Variants in SH2D4B observed in about 807,000 individuals in gnomAD.
SH2D4B encodes SH2 domain-containing protein 4B.
Under a neutral mutation model 61.5 loss-of-function variants are expected in SH2D4B, and 45 were observed. The ratio of observed to expected loss-of-function variants is 0.73; its 90% CI spans 0.58 to 0.94. SH2D4B has a LOEUF of 0.94. SH2D4B is among the 40% of genes least tolerant of loss of function. The probability of loss-of-function intolerance (pLI) is 0.00; values close to 1 mark genes in which losing one functional copy is unlikely to be tolerated. For missense variants in SH2D4B, 572 were observed against 574.2 expected (o/e 1.00, Z 0.04); for synonymous variants, 224 against 220.4 (o/e 1.02, Z -0.14).
rs59848195 is a variant in SH2D4B, at chr10:80,612,198, T to TTTTTTTTTTTTC, written c.988+2647_988+2648insTTTTTTTTTTTC. Among the ~76,000 whole-genome samples, 46 of 125,210 alleles carry TTTTTTTTTTTTC rather than the reference T, an allele frequency of 3.7e-4. 4 individuals carry two copies. The highest frequency in any genetic ancestry group is 5.6e-4 in the East Asian group (2 of 3,592). The allele number at this position is 125,210 out of a possible 152,430, so 82.1% of individuals were successfully genotyped here. On this transcript the variant is annotated intron_variant, in intron 6 of 7. Transcript: ENST00000646907. ...CCACTCCTGCTTTTTTTTTTTTTTT[T>TTTTTTTTTTTTC]CAACTTTACTCACTTATAAAATCCC...
intron 1 of SH2D4B, among the ~76,000 whole-genome samples, chr10:80,563,841 T>C (rs911760333): frequency 6.6e-6 from 1 of 152,238 alleles, no homozygotes; most frequent in Non-Finnish European, 1.5e-5. Flanking sequence ...AGGTTGGTAC[T>C]ATCTATATAT....
chr10:80,547,981 A>G (rs999465060), intron 1 of SH2D4B, among the ~76,000 whole-genome samples: 3 of 152,144 alleles, frequency 2.0e-5, no homozygotes, highest in Non-Finnish European at 2.9e-5. Flanking sequence ...TTATGGTGAC[A>G]CAGGGCTGTC....
intron 1 of SH2D4B, among the ~76,000 whole-genome samples, chr10:80,554,109 A>G (rs1841796188): frequency 6.6e-6 from 1 of 152,234 alleles, no homozygotes. Context: ...GTGGAGTTCT[A>G]GAAGAACTTT....
At chr10:80,592,368 A>T (rs1383644614) in intron 4 of SH2D4B, among the ~76,000 whole-genome samples, 2 of 152,196 alleles carry the variant, frequency 1.3e-5, no homozygotes, top group African/African-American at 4.8e-5. Context: ...AAGCACAAAA[A>T]ATTTTAATTT....
chr10:80,573,656 T>C (rs112175070), intron 3 of SH2D4B, among the ~76,000 whole-genome samples: 489 of 152,348 alleles, frequency 3.2e-3, no homozygotes, highest in Non-Finnish European at 5.4e-3. Flanking sequence ...GTGGACCTTT[T>C]TGTGGATTTT....
In SH2D4B at chr10:80,571,306, T is replaced by G. The variant is rs1043603883; in HGVS notation, c.348-125T>G. On this transcript the variant is annotated intron_variant, in intron 2 of 7. Coordinates refer to ENST00000646907, the MANE Select transcript of SH2D4B (RefSeq NM_001388272.1). ...GCGTGAGAATGCCTATTTCTCCCTG[T>G]CTTTGCCAACACCGAATTCTGATAG... The G allele has an allele frequency of 1.4e-5, 16 of 1,112,534 alleles. No homozygotes were observed. The African/African-American group carries it at 2.2e-4, about 15-fold the overall frequency. The allele number at this position is 1,112,534 out of a possible 1,614,324, so 68.9% of individuals were successfully genotyped here.
chr10:80,592,635 T>G (rs1329813625), intron 4 of SH2D4B, among the ~76,000 whole-genome samples: 1 of 152,140 alleles, frequency 6.6e-6, no homozygotes, highest in African/African-American at 2.4e-5. Flanking sequence ...CTATTCTTTC[T>G]CCATTGGATG....
intron 4 of SH2D4B, among the ~76,000 whole-genome samples, chr10:80,601,630 G>A (rs1479694452): frequency 6.6e-6 from 1 of 152,214 alleles, no homozygotes; most frequent in Non-Finnish European, 1.5e-5. Flanking sequence ...TTCTGTATGG[G>A]ACACCCATGG....
chr10:80,543,862 C>G (rs183224178), intron 1 of SH2D4B, among the ~76,000 whole-genome samples: 1 of 152,048 alleles, frequency 6.6e-6, no homozygotes, highest in African/African-American at 2.4e-5. Flanking sequence ...CTTGGAGAAC[C>G]TTTGTGTAGA....
chr10:80,642,588 T>A (rs1440766140), intron 7 of SH2D4B, among the ~76,000 whole-genome samples: 1 of 152,228 alleles, frequency 6.6e-6, no homozygotes, highest in Non-Finnish European at 1.5e-5. Context: ...GCTCTTCCTA[T>A]GTTAATCCGT....
At position 80,627,580 on chromosome 10, in the gene SH2D4B, C is replaced by T. The variant is rs143070166; in HGVS notation, c.989-6705C>T. On this transcript the variant is annotated intron_variant, in intron 6 of 7. Transcript: ENST00000646907. ...CCTCCCTTAGGTGCAGCCACAGTGC[C>T]TGAGCCAATAGCTTATGTGGCCTTT... Among the ~76,000 whole-genome samples the T allele has an allele frequency of 1.9e-3, 290 of 151,452 alleles. 3 individuals carry two copies. Among genetic ancestry groups the T allele is most frequent in the African/African-American group, 6.8e-3 (280 of 41,284 alleles).
intron 4 of SH2D4B, among the ~76,000 whole-genome samples, chr10:80,602,145 G>A (rs1478502255): frequency 6.6e-6 from 1 of 152,134 alleles, no homozygotes; most frequent in East Asian, 1.9e-4. Flanking sequence ...GCTGAGACAG[G>A]GCCCTTCCTT....
Position 80,541,973 on chromosome 10 carries a change from C to G in SH2D4B, c.184+3458C>G, listed in dbSNP as rs115511338. Among the ~76,000 whole-genome samples the G allele has an allele frequency of 7.8e-3, 1,188 of 152,260 alleles. 8 individuals are homozygous for G. Among genetic ancestry groups the G allele is most frequent in the African/African-American group, 0.025 (1,047 of 41,524 alleles). On this transcript the variant is annotated intron_variant, in intron 1 of 7. Coordinates refer to ENST00000646907, the MANE Select transcript of SH2D4B (RefSeq NM_001388272.1). ...TTCACTTTACGCTTTGGCAAGAACC[C>G]TCTGATGTTCTATGCTGTGGTGGAT...
chr10:80,608,739 T>G (rs1017385174), intron 5 of SH2D4B, among the ~76,000 whole-genome samples: 1 of 151,862 alleles, frequency 6.6e-6, no homozygotes, highest in African/African-American at 2.4e-5. Flanking sequence ...GTTACCAACG[T>G]GTGGTTTTGT....
rs549850448 is a variant in SH2D4B at position 80,621,222 on chromosome 10, G to C, written c.988+11671G>C. 3.3e-5 allele frequency among the ~76,000 whole-genome samples: 5 copies of C among 152,350 alleles called. No individual in the cohort carries two copies. In the South Asian group the frequency reaches 6.2e-4, roughly 19 times the overall value. On this transcript the variant is annotated intron_variant, in intron 6 of 7. Transcript: ENST00000646907. ...AACTGGGAGATGCTTTTGGCATCTA[G>C]CAGGTAAAGGCCAGAGATGCTGCTA... is the stretch of plus-strand genomic sequence containing the variant.
intron 4 of SH2D4B, among the ~76,000 whole-genome samples, chr10:80,602,498 G>A (rs1410367997): frequency 6.6e-5 from 10 of 152,148 alleles, no homozygotes; most frequent in Admixed American, 6.5e-4. Context: ...TAATATATGT[G>A]TATGTGAAGA....
At chr10:80,628,079 A>G (rs1360185237) in intron 6 of SH2D4B, among the ~76,000 whole-genome samples, 1 of 152,168 alleles carries the variant, frequency 6.6e-6, no homozygotes, top group Admixed American at 6.5e-5. Flanking sequence ...TTCCTCAGCC[A>G]GGAGGTTGTA....
intron 4 of SH2D4B, among the ~76,000 whole-genome samples, chr10:80,596,503 A>T (rs1842387104): frequency 6.6e-6 from 1 of 151,836 alleles, no homozygotes. Flanking sequence ...CTTTTTCCTT[A>T]CTCTTGGCCT....
chr10:80,541,253 T>C (rs2132099245), intron 1 of SH2D4B, among the ~76,000 whole-genome samples: 1 of 152,198 alleles, frequency 6.6e-6, no homozygotes, highest in East Asian at 1.9e-4. Context: ...CATGGACAAG[T>C]CACCCTGAGT....
Sources: gnomAD v4.1 joint callset for allele counts (sites outside exome capture counted in the v4.1 genomes callset) on GRCh38, gnomAD v4.1.1 for gene constraint, MANE v1.5 for transcripts, NCBI Gene and HGNC (gene_info 2026-07-23, HGNC 2026-07-21) for gene names.